GRM7: variants seen among roughly 807,000 people sequenced by gnomAD.
GRM7 encodes the protein glutamate metabotropic receptor 7, also known as metabotropic glutamate receptor 7.
Under a neutral mutation model 84.5 loss-of-function variants are expected in GRM7, and 35 were observed. The ratio of observed to expected loss-of-function variants is 0.41; its 90% CI spans 0.32 to 0.55. The LOEUF is 0.55. Ranked by LOEUF, GRM7 falls within the 20% of genes least tolerant of loss-of-function variation. The pLI is 0.19. For missense variants in GRM7, 1,003 were observed against 1,194.6 expected (o/e 0.84, Z 2.36); for synonymous variants, 487 against 455.1 (o/e 1.07, Z -0.89).
chr3:7,450,080 A>C (rs2124887403), intron 5 of GRM7, among the ~76,000 whole-genome samples: 1 of 150,828 alleles, frequency 6.6e-6, no homozygotes, highest in East Asian at 2.0e-4. Context: ...TATCTAATTA[A>C]ATTTAAAAAG....
chr3:7,263,974 G>C (rs1362065204), intron 2 of GRM7, among the ~76,000 whole-genome samples: 2 of 152,122 alleles, frequency 1.3e-5, no homozygotes, highest in African/African-American at 4.8e-5. Flanking sequence ...TGGTATGAGA[G>C]AGGCTGCATT....
At chr3:7,465,349 A>C (rs1698419473) in intron 7 of GRM7, among the ~76,000 whole-genome samples, 1 of 152,174 alleles carries the variant, frequency 6.6e-6, no homozygotes, top group East Asian at 1.9e-4. Context: ...CTACTGAGAT[A>C]ACGGGACTTG....
chr3:7,631,519 A>T (rs1230021087), intron 8 of GRM7, among the ~76,000 whole-genome samples: 4 of 152,180 alleles, frequency 2.6e-5, no homozygotes, highest in African/African-American at 9.7e-5. Context: ...AGGTTCTGGA[A>T]CCATGCTGTT....
chr3:7,451,056 A>G lies in GRM7; in HGVS notation c.1175-1551A>G, dbSNP rs568359139. Among the ~76,000 whole-genome samples, 18 of 152,242 alleles carry G rather than the reference A, an allele frequency of 1.2e-4. 1 individual carries two copies. In the South Asian group the frequency reaches 3.1e-3, roughly 26 times the overall value. ...TGTAGAACTCTTATTGTGAGGTTGTAGAACTCTTATTGTTTCTTCACTACA... is the reference window on the plus strand; with the variant it reads ...TGTAGAACTCTTATTGTGAGGTTGTGGAACTCTTATTGTTTCTTCACTACA... On this transcript the variant is annotated intron_variant, in intron 5 of 9. Transcript: ENST00000357716.
chr3:7,147,658 G>A (rs1027486776), intron 2 of GRM7, among the ~76,000 whole-genome samples: 5 of 152,106 alleles, frequency 3.3e-5, no homozygotes, highest in Admixed American at 2.0e-4. Flanking sequence ...TTCCGGATAC[G>A]GATGATGCTA....
At chr3:7,703,397 T>G (rs1406021793) in intron 9 of GRM7, among the ~76,000 whole-genome samples, 2 of 151,802 alleles carry the variant, frequency 1.3e-5, no homozygotes, top group Non-Finnish European at 2.9e-5. Flanking sequence ...ATGTTCTTAC[T>G]AAAAAATTCT....
At chr3:7,161,417 G>C (rs1353280734) in intron 2 of GRM7, among the ~76,000 whole-genome samples, 1 of 108,262 alleles carries the variant, frequency 9.2e-6, no homozygotes, top group Non-Finnish European at 1.8e-5. Context: ...TCTTTGTAAT[G>C]ACCTGAAAAA....
chr3:7,484,478 A>G (rs1012073614), intron 7 of GRM7, among the ~76,000 whole-genome samples: 1 of 152,218 alleles, frequency 6.6e-6, no homozygotes, highest in Non-Finnish European at 1.5e-5. Flanking sequence ...GTGTGAGAGT[A>G]TGTTTCTTCC....
chr3:7,492,192 G>A (rs1377723629), intron 7 of GRM7, among the ~76,000 whole-genome samples: 13 of 152,028 alleles, frequency 8.6e-5, no homozygotes, highest in Non-Finnish European at 1.6e-4. Flanking sequence ...GTCTTTGCTG[G>A]GTTTTAGTAT....
intron 1 of GRM7, among the ~76,000 whole-genome samples, chr3:6,953,554 T>C (rs1178984099): frequency 1.3e-5 from 2 of 152,264 alleles, no homozygotes; most frequent in Admixed American, 6.5e-5. Flanking sequence ...AATGTCTCTT[T>C]CATCCACTCA....
chr3:7,087,374 T>G (rs1475195114), intron 1 of GRM7, among the ~76,000 whole-genome samples: 1 of 143,744 alleles, frequency 7.0e-6, no homozygotes, highest in Non-Finnish European at 1.5e-5. Flanking sequence ...TTGTATATTT[T>G]CTATTCTAGA....
At chr3:7,184,453 T>C (rs1209039405) in intron 2 of GRM7, among the ~76,000 whole-genome samples, 1 of 152,078 alleles carries the variant, frequency 6.6e-6, no homozygotes, top group African/African-American at 2.4e-5. Flanking sequence ...TACAAAAATA[T>C]TTTGATAAAA....
rs540398080 is a variant in GRM7 at position 6,923,137 on chromosome 3, C to T, written c.519+61230C>T. ...TCAAGCGATTCTCCCACCTCAGCTT[C>T]CCGAGTAGCTGGGACTACTGGTGTG... is the stretch of plus-strand genomic sequence containing the variant. On this transcript the variant is annotated intron_variant, in intron 1 of 9. Coordinates refer to ENST00000357716, the MANE Select transcript of GRM7 (RefSeq NM_000844.4). 3.9e-5 allele frequency among the ~76,000 whole-genome samples: 6 copies of T among 152,232 alleles called. No homozygotes were observed. The South Asian group carries it at 1.0e-3, about 26-fold the overall frequency.
At chr3:7,661,435 G>C (rs370792767) in intron 8 of GRM7, among the ~76,000 whole-genome samples, 1 of 152,108 alleles carries the variant, frequency 6.6e-6, no homozygotes, top group African/African-American at 2.4e-5. Context: ...AGTTAAAAAA[G>C]ATTGACCATA....
intron 2 of GRM7, among the ~76,000 whole-genome samples, chr3:7,184,105 G>A (rs1054311825): frequency 6.6e-6 from 1 of 152,134 alleles, no homozygotes; most frequent in African/African-American, 2.4e-5. Context: ...GAAAAAGAGA[G>A]TGTGAATAGG....
chr3:7,714,444 A>T (rs1007179482), intron 9 of GRM7, among the ~76,000 whole-genome samples: 3 of 152,186 alleles, frequency 2.0e-5, no homozygotes, highest in African/African-American at 7.2e-5. Context: ...GAATTTCTAG[A>T]AATGTCCCCT....
chr3:6,961,439 A>G (rs911061067), intron 1 of GRM7, among the ~76,000 whole-genome samples: 1 of 152,038 alleles, frequency 6.6e-6, no homozygotes, highest in Non-Finnish European at 1.5e-5. Flanking sequence ...CACCTATTAG[A>G]CTGCTGAATT....
chr3:7,009,355 A>G (rs1230744343), intron 1 of GRM7, among the ~76,000 whole-genome samples: 1 of 152,234 alleles, frequency 6.6e-6, no homozygotes, highest in Non-Finnish European at 1.5e-5. Flanking sequence ...TTATAATACA[A>G]GAACTATTCA....
intron 3 of GRM7, among the ~76,000 whole-genome samples, chr3:7,302,884 A>G (rs368117777): frequency 1.4e-4 from 21 of 148,714 alleles, no homozygotes; most frequent in African/African-American, 5.3e-4. Flanking sequence ...TGGATACATT[A>G]TCAAAGTGGT....
Sources: allele counts gnomAD v4.1 joint callset (sites outside exome capture counted in the v4.1 genomes callset), GRCh38; gene constraint gnomAD v4.1.1; transcripts MANE v1.5; gene names NCBI Gene and HGNC (gene_info 2026-07-23, HGNC 2026-07-21).